CHLSN: variants seen among roughly 807,000 people sequenced by gnomAD.
The protein encoded by CHLSN is protein cholesin.
At chr7:1,012,177 AGTCCATAACACT>A in the CHLSN span, among the ~76,000 whole-genome samples, 1 of 152,236 alleles carries the variant, frequency 6.6e-6, no homozygotes, top group Non-Finnish European at 1.5e-5. Flanking sequence ...CACGGGCCAA[AGTCCATAACACT>A]GTTAGGGCTG....
the CHLSN span, among the ~76,000 whole-genome samples, chr7:1,034,807 C>T: frequency 6.6e-6 from 1 of 151,360 alleles, no homozygotes; most frequent in Admixed American, 6.6e-5. Context: ...CCACCTCCAC[C>T]CTCAAATTCA....
the CHLSN span, among the ~76,000 whole-genome samples, chr7:1,116,747 A>G: frequency 4.0e-5 from 2 of 50,538 alleles, no homozygotes; most frequent in East Asian, 4.2e-4. Flanking sequence ...TGACATCACT[A>G]CAGCTCTACG....
At chr7:1,108,492 C>T in the CHLSN span, among the ~76,000 whole-genome samples, 5 of 152,232 alleles carry the variant, frequency 3.3e-5, no homozygotes, top group African/African-American at 7.2e-5. Flanking sequence ...ACGGCCCAAA[C>T]GCACGGGTGT....
chr7:984,662 C>A, the CHLSN span: 1 of 1,481,784 alleles, frequency 6.7e-7, no homozygotes, highest in African/African-American at 1.4e-5. Flanking sequence ...GCGGGAGAGG[C>A]TCCCAGGGTG....
the CHLSN span, chr7:997,457 C>T: frequency 5.2e-6 from 3 of 581,326 alleles, no homozygotes; most frequent in South Asian, 2.5e-5. Context: ...GGGGCCCTTG[C>T]GAGGCTCTGG....
the CHLSN span, among the ~76,000 whole-genome samples, chr7:1,054,117 C>T: frequency 6.6e-6 from 1 of 152,354 alleles, no homozygotes; most frequent in African/African-American, 2.4e-5. Flanking sequence ...GGAACGTCCC[C>T]CAGAGCCCAC....
chr7:984,884 C>G, the CHLSN span: 1 of 1,522,664 alleles, frequency 6.6e-7, no homozygotes, highest in Middle Eastern at 2.4e-4. Context: ...CACTTCCTGC[C>G]CACTTGCCTG....
At chr7:1,136,184 T>TA in the CHLSN span, among the ~76,000 whole-genome samples, 2 of 103,846 alleles carry the variant, frequency 1.9e-5, no homozygotes, top group African/African-American at 4.6e-5. Context: ...ATATACATAA[T>TA]TATAAATATA....
At chr7:1,043,064 C>T in the CHLSN span, among the ~76,000 whole-genome samples, 1 of 146,798 alleles carries the variant, frequency 6.8e-6, no homozygotes, top group Non-Finnish European at 1.5e-5. Flanking sequence ...CCAGCCGGAC[C>T]AACATGGTGA....
the CHLSN span, chr7:983,334 C>T: frequency 4.5e-6 from 7 of 1,539,190 alleles, no homozygotes; most frequent in South Asian, 4.8e-5. Context: ...TGCCGCTCGT[C>T]GGGAACCTGC....
the CHLSN span, among the ~76,000 whole-genome samples, chr7:1,016,851 A>G: frequency 6.5e-5 from 6 of 92,720 alleles, no homozygotes; most frequent in Non-Finnish European, 9.2e-5. Context: ...GCCAGCACAC[A>G]GCAGCACACA....
chr7:997,326 A>T, the CHLSN span: 1 of 348,232 alleles, frequency 2.9e-6, no homozygotes, highest in Non-Finnish European at 5.2e-6. Context: ...CTGGGGCTGG[A>T]GGGTCCCTCC....
chr7:1,004,350 T>C, the CHLSN span, among the ~76,000 whole-genome samples: 2 of 152,110 alleles, frequency 1.3e-5, no homozygotes, highest in South Asian at 2.1e-4. Context: ...CACCAGCCTG[T>C]TTCCTCCTTG....
At chr7:1,113,731 G>A in the CHLSN span, among the ~76,000 whole-genome samples, 5 of 152,254 alleles carry the variant, frequency 3.3e-5, no homozygotes, top group African/African-American at 7.2e-5. Flanking sequence ...TTCCGACAGC[G>A]TGCCTCATCC....
the CHLSN span, among the ~76,000 whole-genome samples, chr7:1,081,412 G>C: frequency 6.6e-6 from 1 of 152,232 alleles, no homozygotes; most frequent in African/African-American, 2.4e-5. Flanking sequence ...TTTCCTTGTA[G>C]AGCCCGAGCC....
chr7:1,000,716 G>A, the CHLSN span, among the ~76,000 whole-genome samples: 1 of 152,140 alleles, frequency 6.6e-6, no homozygotes, highest in Non-Finnish European at 1.5e-5. Flanking sequence ...TCCCCTGCCC[G>A]AGGCGAGGAG....
At chr7:1,062,406 C>T in the CHLSN span, among the ~76,000 whole-genome samples, 1 of 152,070 alleles carries the variant, frequency 6.6e-6, no homozygotes, top group African/African-American at 2.4e-5. Context: ...TTTCGGTTAC[C>T]CCTCTGTAGT....
chr7:1,011,324 CCACACACCCACATACAACCA>C, the CHLSN span, among the ~76,000 whole-genome samples: 1 of 148,162 alleles, frequency 6.7e-6, no homozygotes, highest in South Asian at 2.2e-4. Context: ...CCCCCACATG[CCACACACCCACATACAACCA>C]CACACACCGA....
chr7:1,136,351 T>C, the CHLSN span, among the ~76,000 whole-genome samples: 3 of 79,030 alleles, frequency 3.8e-5, no homozygotes, highest in Admixed American at 3.1e-4. Context: ...CATATAAATA[T>C]ATATAAACAT....
Sources: gnomAD v4.1 joint callset for allele counts (sites outside exome capture counted in the v4.1 genomes callset) on GRCh38, gnomAD v4.1.1 for gene constraint, MANE v1.5 for transcripts, NCBI Gene and HGNC (gene_info 2026-07-23, HGNC 2026-07-21) for gene names.